Variants in ZNF385D observed in about 807,000 individuals in gnomAD.
The protein encoded by ZNF385D is zinc finger protein 659.
In ZNF385D, 15 loss-of-function variants were observed where a neutral mutation model predicts 35.8. That is an observed-to-expected ratio of 0.42 (90% CI 0.28 to 0.64). The LOEUF is 0.64. Ranked by LOEUF, ZNF385D falls within the 30% of genes least tolerant of loss-of-function variation. The pLI is 0.23. For missense variants in ZNF385D, 474 were observed against 494.6 expected, an observed-to-expected ratio of 0.96 and a Z score of 0.39; for synonymous variants, 212 against 186.8, an observed-to-expected ratio of 1.13 and a Z score of -1.10.
At chr3:21,562,187 A>C (rs2062974349) in intron 3 of ZNF385D, 1 of 152,172 alleles carries the variant, frequency 6.6e-6, no homozygotes, top group African/African-American at 2.4e-5. Flanking sequence ...TAACAAAATA[A>C]ATTGCTACTC....
chr3:21,828,976 C>T (rs1694827000), intron 3 of ZNF385D, among the ~76,000 whole-genome samples: 1 of 152,150 alleles, frequency 6.6e-6, no homozygotes, highest in African/African-American at 2.4e-5. Flanking sequence ...CTTACAAGGA[C>T]CCTTAAGGAA....
chr3:22,240,980 T>C (rs1026068598), intron 2 of ZNF385D, among the ~76,000 whole-genome samples: 1 of 151,156 alleles, frequency 6.6e-6, no homozygotes, highest in Non-Finnish European at 1.5e-5. Flanking sequence ...TATCAGACTA[T>C]GAATGCCTTC....
chr3:22,117,909 A>G (rs901087649), intron 3 of ZNF385D, among the ~76,000 whole-genome samples: 15 of 152,044 alleles, frequency 9.9e-5, no homozygotes, highest in Non-Finnish European at 1.3e-4. Flanking sequence ...ATGTGGCACA[A>G]TTTCTTAACA....
At chr3:22,094,933 T>C (rs1576309773) in intron 3 of ZNF385D, among the ~76,000 whole-genome samples, 1 of 152,018 alleles carries the variant, frequency 6.6e-6, no homozygotes, top group African/African-American at 2.4e-5. Flanking sequence ...TTTTTCATGG[T>C]CTCACTCTGT....
chr3:21,780,333 T>C (rs2071440773), intron 3 of ZNF385D, among the ~76,000 whole-genome samples: 1 of 151,978 alleles, frequency 6.6e-6, no homozygotes, highest in Non-Finnish European at 1.5e-5. Flanking sequence ...TAGGGCATAC[T>C]ATCATTGCAA....
chr3:22,199,224 C>A (rs1188368103), intron 2 of ZNF385D, among the ~76,000 whole-genome samples: 2 of 152,018 alleles, frequency 1.3e-5, no homozygotes, highest in African/African-American at 4.8e-5. Flanking sequence ...CTTTTCCATC[C>A]CTTTGTTTCA....
intron 3 of ZNF385D, among the ~76,000 whole-genome samples, chr3:22,167,933 C>T (rs566334481): frequency 6.6e-6 from 1 of 152,106 alleles, no homozygotes; most frequent in Non-Finnish European, 1.5e-5. Context: ...TAAAGCAATG[C>T]AGAAGCAATT....
intron 2 of ZNF385D, among the ~76,000 whole-genome samples, chr3:22,172,583 C>A (rs1009873393): frequency 1.3e-5 from 2 of 152,132 alleles, no homozygotes; most frequent in South Asian, 2.1e-4. Context: ...CTCTAACCCA[C>A]GCCACCCCTG....
intron 3 of ZNF385D, among the ~76,000 whole-genome samples, chr3:21,796,220 T>C (rs1446947545): frequency 3.9e-5 from 6 of 152,196 alleles, no homozygotes; most frequent in Non-Finnish European, 8.8e-5. Context: ...AGTCTTAACT[T>C]TGCACTGCTG....
At chr3:21,993,655 G>C (rs1280679293) in intron 3 of ZNF385D, among the ~76,000 whole-genome samples, 1 of 152,022 alleles carries the variant, frequency 6.6e-6, no homozygotes, top group African/African-American at 2.4e-5. Flanking sequence ...TTTTCTAAAA[G>C]AGCTATATCA....
At chr3:22,246,203 C>A (rs1188636389) in intron 2 of ZNF385D, among the ~76,000 whole-genome samples, 1 of 152,086 alleles carries the variant, frequency 6.6e-6, no homozygotes, top group African/African-American at 2.4e-5. Flanking sequence ...TCAAACATAA[C>A]TGTCTTTCTC....
At chr3:21,811,574 G>T (rs2072923180) in intron 3 of ZNF385D, among the ~76,000 whole-genome samples, 1 of 152,120 alleles carries the variant, frequency 6.6e-6, no homozygotes, top group Non-Finnish European at 1.5e-5. Flanking sequence ...GTATTTGGAG[G>T]TTTCCAATGT....
intron 3 of ZNF385D, among the ~76,000 whole-genome samples, chr3:22,136,386 T>TA (rs34116818): frequency 0.67 from 97,792 of 146,500 alleles, 32,970 homozygotes; most frequent in East Asian, 0.84. Context: ...AGACTTTGTC[T>TA]AAAAAAAAAA....
intron 3 of ZNF385D, among the ~76,000 whole-genome samples, chr3:21,819,784 T>TAC (rs1559655884): frequency 8.1e-6 from 1 of 122,826 alleles, no homozygotes; most frequent in South Asian, 2.5e-4. Flanking sequence ...TACACATAAA[T>TAC]ATAATATACA....
At chr3:21,841,120 G>T (rs936540844) in intron 3 of ZNF385D, among the ~76,000 whole-genome samples, 1 of 152,014 alleles carries the variant, frequency 6.6e-6, no homozygotes, top group African/African-American at 2.4e-5. Flanking sequence ...GACATTCAGA[G>T]CAATGATGGC....
intron 3 of ZNF385D, among the ~76,000 whole-genome samples, chr3:22,136,382 T>A (rs887608711): frequency 1.1e-5 from 1 of 89,464 alleles, no homozygotes; most frequent in Non-Finnish European, 2.5e-5. Context: ...AGTGAGACTT[T>A]GTCTAAAAAA....
intron 3 of ZNF385D, among the ~76,000 whole-genome samples, chr3:22,126,154 CATCA>C (rs1703413356): frequency 6.6e-6 from 1 of 151,954 alleles, no homozygotes. Flanking sequence ...GCTTTTCCAG[CATCA>C]ATCGAAATGA....
intron 3 of ZNF385D, among the ~76,000 whole-genome samples, chr3:22,147,690 G>A (rs1373911239): frequency 6.6e-6 from 1 of 152,146 alleles, no homozygotes; most frequent in African/African-American, 2.4e-5. Context: ...GGATACTGAG[G>A]CCCAAGGGCA....
chr3:22,239,825 A>G (rs182640995), intron 2 of ZNF385D, among the ~76,000 whole-genome samples: 4 of 150,976 alleles, frequency 2.6e-5, no homozygotes, highest in Admixed American at 6.6e-5. Flanking sequence ...ATAATGCAGA[A>G]TAAGTGACAT....
Sources: allele counts gnomAD v4.1 joint callset (sites outside exome capture counted in the v4.1 genomes callset), GRCh38; gene constraint gnomAD v4.1.1; transcripts MANE v1.5; gene names NCBI Gene and HGNC (gene_info 2026-07-23, HGNC 2026-07-21).